The following NXPE4 variants were observed in gnomAD, a reference collection of about 807,000 sequenced individuals.
NXPE4 encodes the protein NXPE family member 4.
In NXPE4, 42 loss-of-function variants were observed where a neutral mutation model predicts 33.3. That is an observed-to-expected ratio of 1.26 (90% CI 0.98 to 1.63). The LOEUF is 1.63. Among genes scored for constraint, NXPE4 ranks in the 40% most tolerant of loss-of-function variants. NXPE4 has a pLI of 0.00. For missense variants in NXPE4, 709 were observed against 647.6 expected (o/e 1.09, Z -1.03); for synonymous variants, 253 against 234.9 (o/e 1.08, Z -0.71).
the NXPE4 span, among the ~76,000 whole-genome samples, chr11:114,677,593 C>T: frequency 6.6e-6 from 1 of 152,104 alleles, no homozygotes; most frequent in East Asian, 1.9e-4. Context: ...CTGTGCCAAT[C>T]TCCAATATGC....
chr11:114,606,402 C>T, the NXPE4 span, among the ~76,000 whole-genome samples: 1 of 151,848 alleles, frequency 6.6e-6, no homozygotes, highest in East Asian at 1.9e-4. Context: ...ACCACTGTTA[C>T]CCGGTGGATA....
At chr11:114,671,770 A>T in the NXPE4 span, among the ~76,000 whole-genome samples, 3 of 152,072 alleles carry the variant, frequency 2.0e-5, no homozygotes, top group Non-Finnish European at 4.4e-5. Context: ...TAGCCAACAG[A>T]TCTGTTTTAC....
At chr11:114,624,733 C>T in the NXPE4 span, among the ~76,000 whole-genome samples, 2,412 of 152,166 alleles carry the variant, frequency 0.016, 26 homozygotes, top group Non-Finnish European at 0.022. Context: ...ATAAGTATTG[C>T]CTCCAGGGTA....
At chr11:114,671,738 T>A in the NXPE4 span, among the ~76,000 whole-genome samples, 4 of 151,956 alleles carry the variant, frequency 2.6e-5, no homozygotes, top group East Asian at 7.7e-4. Flanking sequence ...AATTCTCAGA[T>A]AAACAAAACT....
intron 5 of NXPE4, among the ~76,000 whole-genome samples, chr11:114,574,330 A>T: frequency 6.6e-6 from 1 of 151,912 alleles, no homozygotes; most frequent in Non-Finnish European, 1.5e-5. Context: ...CCAAACCCAA[A>T]CCTGGCAGAA....
chr11:114,632,704 A>T, the NXPE4 span, among the ~76,000 whole-genome samples: 2 of 79,318 alleles, frequency 2.5e-5, no homozygotes, highest in Non-Finnish European at 4.3e-5. Flanking sequence ...ATATTTATAT[A>T]ATATAATATA....
At chr11:114,619,348 T>C in the NXPE4 span, among the ~76,000 whole-genome samples, 603 of 152,182 alleles carry the variant, frequency 4.0e-3, 5 homozygotes, top group African/African-American at 0.013. Context: ...GTGTAACCAC[T>C]GTTACCCGGT....
At chr11:114,655,323 G>T in the NXPE4 span, among the ~76,000 whole-genome samples, 6 of 152,094 alleles carry the variant, frequency 3.9e-5, no homozygotes, top group African/African-American at 1.4e-4. Context: ...AAACTCTTTA[G>T]TTTAATTAGA....
chr11:114,571,488 G>A lies in NXPE4; in HGVS notation c.1100-15C>T. ...TGACTTCAGTGCTGATAACAAATAG[G>A]CAATCCCAAAATAAAAGGAGGATAT... On this transcript the variant is annotated splice_polypyrimidine_tract_variant and intron_variant, in intron 5 of 5. Transcript: ENST00000375478. 1 of 1,571,012 alleles carries A rather than the reference G, an allele frequency of 6.4e-7. No homozygotes were observed. Among genetic ancestry groups the A allele is most frequent in the Non-Finnish European group, 8.6e-7 (1 of 1,156,624 alleles).
intron 5 of NXPE4, among the ~76,000 whole-genome samples, chr11:114,573,062 C>A (rs767244347): frequency 6.6e-6 from 1 of 152,100 alleles, no homozygotes; most frequent in Non-Finnish European, 1.5e-5. Context: ...CTATTTTAGC[C>A]TCCTTAAACA....
At chr11:114,633,751 G>C in the NXPE4 span, among the ~76,000 whole-genome samples, 1 of 151,850 alleles carries the variant, frequency 6.6e-6, no homozygotes, top group Non-Finnish European at 1.5e-5. Context: ...TACTGAGAAT[G>C]ATGATTTCCA....
the NXPE4 span, among the ~76,000 whole-genome samples, chr11:114,623,130 A>T: frequency 3.3e-5 from 5 of 152,226 alleles, no homozygotes; most frequent in Admixed American, 6.5e-5. Context: ...CCCGGTGGAT[A>T]ATAAGTGTTG....
the NXPE4 span, among the ~76,000 whole-genome samples, chr11:114,674,100 AAC>A: frequency 2.6e-5 from 2 of 77,492 alleles, no homozygotes; most frequent in African/African-American, 9.9e-5. Flanking sequence ...AAAACAAACA[AAC>A]AAACAAACAA....
chr11:114,669,207 A>C, the NXPE4 span, among the ~76,000 whole-genome samples: 2 of 152,152 alleles, frequency 1.3e-5, no homozygotes, highest in Non-Finnish European at 2.9e-5. Flanking sequence ...CAATGATTTA[A>C]AGTCTTTGGA....
chr11:114,587,125 C>T (rs576416213), intron 2 of NXPE4, among the ~76,000 whole-genome samples: 1 of 152,126 alleles, frequency 6.6e-6, no homozygotes, highest in East Asian at 1.9e-4. Context: ...TTTTTTTGCC[C>T]CTCTACAAGA....
the NXPE4 span, among the ~76,000 whole-genome samples, chr11:114,628,910 T>C: frequency 2.2e-4 from 33 of 151,922 alleles, 1 homozygote. Context: ...GCAAATAAAC[T>C]AGAGAATCTA....
chr11:114,614,055 TAA>T, the NXPE4 span, among the ~76,000 whole-genome samples: 9 of 151,218 alleles, frequency 6.0e-5, no homozygotes, highest in East Asian at 2.0e-4. Context: ...CGGTGAATAA[TAA>T]GTGTCGCCTC....
chr11:114,602,718 T>A, the NXPE4 span, among the ~76,000 whole-genome samples: 1 of 92,126 alleles, frequency 1.1e-5, no homozygotes, highest in Non-Finnish European at 2.1e-5. Flanking sequence ...CAGAATCACA[T>A]ATAATTATCT....
chr11:114,632,006 T>G, the NXPE4 span, among the ~76,000 whole-genome samples: 2 of 148,100 alleles, frequency 1.4e-5, no homozygotes, highest in African/African-American at 4.9e-5. Context: ...CAGCTACTAT[T>G]ACCTAATAGA....
Sources: allele counts gnomAD v4.1 joint callset (sites outside exome capture counted in the v4.1 genomes callset), GRCh38; gene constraint gnomAD v4.1.1; transcripts MANE v1.5; gene names NCBI Gene and HGNC (gene_info 2026-07-23, HGNC 2026-07-21).